The following MDGA2 variants were observed in gnomAD, a reference collection of about 807,000 sequenced individuals.
MDGA2 encodes MAM domain containing glycosylphosphatidylinositol anchor 2, also known as MAM domain-containing glycosylphosphatidylinositol anchor protein 2.
MDGA2 carries 40 observed loss-of-function variants against 117.8 expected under a neutral mutation model. The ratio of observed to expected loss-of-function variants is 0.34; its 90% CI spans 0.26 to 0.44. MDGA2 has a LOEUF of 0.44. MDGA2 is among the 20% of genes least tolerant of loss of function. The pLI, the probability that MDGA2 is intolerant of heterozygous loss-of-function variation, is 1.00. For missense variants in MDGA2, 1,123 were observed against 1,250.6 expected (o/e 0.90, Z 1.54); for synonymous variants, 452 against 439.0 (o/e 1.03, Z -0.37).
chr14:47,632,593 A>C (rs1486172011), intron 1 of MDGA2, among the ~76,000 whole-genome samples: 1 of 152,230 alleles, frequency 6.6e-6, no homozygotes, highest in Non-Finnish European at 1.5e-5. Context: ...TTATCTTAAA[A>C]GATCCTTCAT....
intron 1 of MDGA2, among the ~76,000 whole-genome samples, chr14:47,583,073 T>C (rs1884223): frequency 1 from 152,000 of 152,004 alleles, 75,998 homozygotes; most frequent in Middle Eastern, 1. Context: ...TTCAATCAAA[T>C]TTTACTGGGA....
At chr14:47,531,106 G>A (rs938582126) in intron 1 of MDGA2, among the ~76,000 whole-genome samples, 16 of 152,068 alleles carry the variant, frequency 1.1e-4, no homozygotes, top group Non-Finnish European at 2.2e-4. Context: ...TTAGCCAGGC[G>A]TGGTGGTGGG....
chr14:47,286,643 AT>A (rs1888680067), intron 2 of MDGA2, among the ~76,000 whole-genome samples: 1 of 151,674 alleles, frequency 6.6e-6, no homozygotes, highest in South Asian at 2.1e-4. Context: ...ACCGGAGGAC[AT>A]TTCGGTTGAT....
intron 1 of MDGA2, among the ~76,000 whole-genome samples, chr14:47,564,798 G>T (rs557700840): frequency 8.5e-5 from 13 of 152,290 alleles, no homozygotes; most frequent in African/African-American, 3.1e-4. Context: ...TTTCTCAGAG[G>T]TTTTGTTCAT....
At chr14:47,122,796 G>A (rs190985258) in intron 5 of MDGA2, among the ~76,000 whole-genome samples, 2 of 152,010 alleles carry the variant, frequency 1.3e-5, no homozygotes, top group African/African-American at 4.8e-5. Context: ...CCAAGCTGTG[G>A]TCTACAAATC....
chr14:47,122,780 A>G (rs1182878548), intron 5 of MDGA2, among the ~76,000 whole-genome samples: 1 of 152,056 alleles, frequency 6.6e-6, no homozygotes, highest in Non-Finnish European at 1.5e-5. Context: ...AAAACTCTGA[A>G]AAGAACCAAG....
intron 1 of MDGA2, among the ~76,000 whole-genome samples, chr14:47,345,949 G>A (rs140937680): frequency 6.6e-6 from 1 of 152,014 alleles, no homozygotes; most frequent in African/African-American, 2.4e-5. Flanking sequence ...AGAGGGAAGG[G>A]AGGAATGCAG....
chr14:46,983,049 C>A (rs1285610490), intron 8 of MDGA2, among the ~76,000 whole-genome samples: 2 of 152,020 alleles, frequency 1.3e-5, no homozygotes, highest in Non-Finnish European at 2.9e-5. Flanking sequence ...GCCTTTTCTG[C>A]ATCTATTGAG....
At chr14:47,251,530 T>C (rs966292322) in intron 2 of MDGA2, among the ~76,000 whole-genome samples, 1 of 152,188 alleles carries the variant, frequency 6.6e-6, no homozygotes, top group African/African-American at 2.4e-5. Context: ...CCCCGAAGTA[T>C]ACGTACTACA....
chr14:47,297,360 T>C (rs1246673918), intron 2 of MDGA2, among the ~76,000 whole-genome samples: 1 of 151,514 alleles, frequency 6.6e-6, no homozygotes, highest in Non-Finnish European at 1.5e-5. Context: ...TTATAATGTA[T>C]TTAAATTATT....
chr14:47,063,178 A>G (rs1344851397), intron 6 of MDGA2, among the ~76,000 whole-genome samples: 2 of 152,050 alleles, frequency 1.3e-5, no homozygotes, highest in African/African-American at 4.8e-5. Flanking sequence ...AGAAGTTTCA[A>G]TCTCAGAGGA....
intron 8 of MDGA2, among the ~76,000 whole-genome samples, chr14:47,034,402 G>A (rs1378751858): frequency 3.3e-5 from 5 of 151,852 alleles, no homozygotes; most frequent in Non-Finnish European, 5.9e-5. Flanking sequence ...ACAATTACCC[G>A]CTAAGATTAA....
intron 2 of MDGA2, among the ~76,000 whole-genome samples, chr14:47,249,076 G>A (rs1321847203): frequency 6.6e-6 from 1 of 150,380 alleles, no homozygotes; most frequent in African/African-American, 2.5e-5. Flanking sequence ...GGAGGGCAGT[G>A]GTGCGATCTC....
intron 1 of MDGA2, among the ~76,000 whole-genome samples, chr14:47,367,852 G>A (rs371568818): frequency 1.1e-4 from 17 of 152,120 alleles, no homozygotes; most frequent in Non-Finnish European, 1.6e-4. Context: ...TTACTAAAGC[G>A]ATGTTCTTTG....
intron 1 of MDGA2, among the ~76,000 whole-genome samples, chr14:47,662,396 C>T (rs923656007): frequency 6.6e-6 from 1 of 152,044 alleles, no homozygotes; most frequent in Non-Finnish European, 1.5e-5. Flanking sequence ...TATGTATATG[C>T]ACATGTGCAT....
rs560888427 is a variant in MDGA2 at position 47,618,482 on chromosome 14, C to T, written c.280+56035G>A. Among the ~76,000 whole-genome samples the T allele has an allele frequency of 2.2e-4, 34 of 152,256 alleles. 1 individual carries two copies. The highest frequency in any genetic ancestry group is 7.9e-4 in the African/African-American group (33 of 41,554). ...CATCCCCTACTCCCTGAATGTGACC[C>T]GTCCTTTCTCAAGACTCTCTAAAAC... On this transcript the variant is annotated intron_variant, in intron 1 of 16. Coordinates refer to ENST00000399232, the MANE Select transcript of MDGA2 (RefSeq NM_001113498.3).
At chr14:47,175,617 T>G (rs894370802) in intron 3 of MDGA2, among the ~76,000 whole-genome samples, 23 of 152,032 alleles carry the variant, frequency 1.5e-4, no homozygotes, top group African/African-American at 4.4e-4. Context: ...TGCTAAAAAC[T>G]CTCAATAAAT....
At chr14:47,133,747 T>C (rs938014881) in intron 4 of MDGA2, among the ~76,000 whole-genome samples, 6 of 152,028 alleles carry the variant, frequency 3.9e-5, no homozygotes, top group African/African-American at 1.4e-4. Flanking sequence ...TCTGTAATAA[T>C]GGGAATTTAC....
intron 1 of MDGA2, among the ~76,000 whole-genome samples, chr14:47,662,658 G>A (rs1292651331): frequency 1.3e-5 from 2 of 152,144 alleles, no homozygotes; most frequent in African/African-American, 2.4e-5. Flanking sequence ...GCAATTGGAG[G>A]GATGTTTGAT....
Sources: allele counts gnomAD v4.1 joint callset (sites outside exome capture counted in the v4.1 genomes callset), GRCh38; gene constraint gnomAD v4.1.1; transcripts MANE v1.5; gene names NCBI Gene and HGNC (gene_info 2026-07-23, HGNC 2026-07-21).